Variants in PPFIA2 observed in about 807,000 individuals in gnomAD.
PPFIA2 encodes the protein liprin-alpha-2.
Under a neutral mutation model 175.5 loss-of-function variants are expected in PPFIA2, and 46 were observed. That is an observed-to-expected ratio of 0.26 (90% CI 0.21 to 0.34). The LOEUF (loss-of-function observed/expected upper bound fraction) is 0.34, where lower values mean the gene tolerates loss of function less well. Ranked by LOEUF, PPFIA2 falls within the 10% of genes least tolerant of loss-of-function variation. The probability of loss-of-function intolerance (pLI) is 1.00; values close to 1 mark genes in which losing one functional copy is unlikely to be tolerated. For synonymous variants in PPFIA2, 568 were observed against 511.4 expected (o/e 1.11, Z -1.49); for missense variants, 1,179 against 1,506.1 (o/e 0.78, Z 3.60).
chr12:81,681,619 A>T (rs2153576600), intron 3 of PPFIA2, among the ~76,000 whole-genome samples: 1 of 151,914 alleles, frequency 6.6e-6, no homozygotes, highest in African/African-American at 2.4e-5. Flanking sequence ...CTTGACAAAC[A>T]CTTTGAATGA....
rs748051152 is a variant in PPFIA2 at position 81,701,915 on chromosome 12, T to TAAAAA, written c.250-25076_250-25072dup. On this transcript the variant is annotated intron_variant, in intron 3 of 32. Transcript: ENST00000549396. ...TAAACTATACACTTTATGGGAAGAC[T>TAAAAA]AAAAAAAAAAAAAAAAAAAAAGTAA... Among the ~76,000 whole-genome samples, 104 of 84,044 alleles carry TAAAAA rather than the reference T, an allele frequency of 1.2e-3. 1 individual carries two copies. In the South Asian group the frequency reaches 0.021, roughly 17 times the overall value. 55.1% of individuals were successfully genotyped at this position (84,044 alleles called of 152,430 possible). A position where few individuals can be genotyped will look rare whatever the true frequency, so the allele number is the denominator to read the frequency against.
At chr12:81,758,891 G>T (rs1165505030) in intron 1 of PPFIA2, among the ~76,000 whole-genome samples, 1 of 151,736 alleles carries the variant, frequency 6.6e-6, no homozygotes, top group Non-Finnish European at 1.5e-5. Flanking sequence ...GGGGTGTGTG[G>T]GGCGTCCCTC....
chr12:81,328,128 T>A (rs2055232136), intron 21 of PPFIA2, among the ~76,000 whole-genome samples: 1 of 152,136 alleles, frequency 6.6e-6, no homozygotes, highest in African/African-American at 2.4e-5. Flanking sequence ...GCTTCACTCA[T>A]CTAATGTTTA....
intron 4 of PPFIA2, among the ~76,000 whole-genome samples, chr12:81,470,685 G>T (rs2056573329): frequency 6.6e-6 from 1 of 152,122 alleles, no homozygotes; most frequent in Non-Finnish European, 1.5e-5. Context: ...CAACAGTGGA[G>T]GAATGAATTT....
At chr12:81,376,039 C>A in intron 9 of PPFIA2, 97 bp from the exon 10 acceptor site, 1 of 1,156,922 alleles carries the variant, frequency 8.6e-7, no homozygotes, top group South Asian at 1.5e-5. Flanking sequence ...AAAACTATTG[C>A]ATTCTTGAAG....
At chr12:81,709,827 T>C (rs1407887019) in intron 3 of PPFIA2, among the ~76,000 whole-genome samples, 1 of 152,082 alleles carries the variant, frequency 6.6e-6, no homozygotes, top group Non-Finnish European at 1.5e-5. Flanking sequence ...ACTTGCCTGA[T>C]TGTTTTCTCA....
At chr12:81,378,729 G>A (rs566719431) in intron 9 of PPFIA2, among the ~76,000 whole-genome samples, 3 of 152,184 alleles carry the variant, frequency 2.0e-5, no homozygotes, top group Admixed American at 6.5e-5. Flanking sequence ...AATTTTAACA[G>A]CAATAAAGTC....
intron 8 of PPFIA2, among the ~76,000 whole-genome samples, chr12:81,399,332 A>G (rs541597486): frequency 8.7e-5 from 13 of 149,574 alleles, no homozygotes; most frequent in Non-Finnish European, 1.5e-4. Flanking sequence ...TGAGTACCTC[A>G]AATCCTGGCT....
chr12:81,425,074 C>T (rs760312565), intron 7 of PPFIA2: 3 of 152,124 alleles, frequency 2.0e-5, no homozygotes, highest in African/African-American at 4.8e-5. Flanking sequence ...AGCATTAGAA[C>T]CATATTTTCT....
intron 4 of PPFIA2, among the ~76,000 whole-genome samples, chr12:81,578,917 C>A (rs1268343684): frequency 6.6e-6 from 1 of 151,702 alleles, no homozygotes; most frequent in Admixed American, 6.6e-5. Flanking sequence ...GAGAAGGAGA[C>A]ACTAATCAAC....
At chr12:81,702,171 A>G (rs1013516323) in intron 3 of PPFIA2, among the ~76,000 whole-genome samples, 6 of 151,312 alleles carry the variant, frequency 4.0e-5, no homozygotes, top group African/African-American at 1.2e-4. Context: ...CCCACCATCA[A>G]TGACACTGTG....
chr12:81,758,634 AGAAGC>A, intron 1 of PPFIA2, 127 bp from the exon 2 acceptor site: 1 of 340,042 alleles, frequency 2.9e-6, no homozygotes, highest in South Asian at 2.2e-5. Context: ...AGCCAAAAGG[AGAAGC>A]GTCCATCGGA....
At chr12:81,508,288 G>A (rs1390105249) in intron 4 of PPFIA2, among the ~76,000 whole-genome samples, 5 of 151,958 alleles carry the variant, frequency 3.3e-5, no homozygotes, top group African/African-American at 9.7e-5. Context: ...TTGGGAGGCC[G>A]AGGTGGGTGG....
intron 17 of PPFIA2, among the ~76,000 whole-genome samples, chr12:81,351,413 T>G (rs1037310464): frequency 1.3e-5 from 2 of 152,158 alleles, no homozygotes; most frequent in African/African-American, 2.4e-5. Flanking sequence ...TAGGGGATTT[T>G]TAATGATCAG....
intron 4 of PPFIA2, among the ~76,000 whole-genome samples, chr12:81,589,386 T>G (rs1190212353): frequency 6.6e-6 from 1 of 152,134 alleles, no homozygotes; most frequent in Non-Finnish European, 1.5e-5. Flanking sequence ...CCTTTATATC[T>G]TTCAGTGCAA....
intron 4 of PPFIA2, among the ~76,000 whole-genome samples, chr12:81,607,024 T>C (rs2060394917): frequency 6.6e-6 from 1 of 152,128 alleles, no homozygotes. Context: ...TTCAATCTTC[T>C]ACATGTGGCT....
chr12:81,398,657 C>T (rs80044027), intron 8 of PPFIA2, among the ~76,000 whole-genome samples: 11 of 152,106 alleles, frequency 7.2e-5, no homozygotes, highest in African/African-American at 1.7e-4. Context: ...CTTAAAGACC[C>T]GTAGCCGCTT....
At chr12:81,512,117 T>G (rs548377223) in intron 4 of PPFIA2, among the ~76,000 whole-genome samples, 91 of 152,226 alleles carry the variant, frequency 6.0e-4, no homozygotes, top group Admixed American at 2.8e-3. Context: ...TTTTTCTGCC[T>G]GCTTTTAAGT....
intron 4 of PPFIA2, among the ~76,000 whole-genome samples, chr12:81,592,447 C>A (rs2058774668): frequency 6.6e-6 from 1 of 152,140 alleles, no homozygotes; most frequent in African/African-American, 2.4e-5. Context: ...ATTCTGTCCC[C>A]ATCCAAATCT....
Sources: gnomAD v4.1 joint callset for allele counts (sites outside exome capture counted in the v4.1 genomes callset) on GRCh38, gnomAD v4.1.1 for gene constraint, MANE v1.5 for transcripts, NCBI Gene and HGNC (gene_info 2026-07-23, HGNC 2026-07-21) for gene names.